Variants in NCAM1 observed in about 807,000 individuals in gnomAD.
The protein encoded by NCAM1 is neural cell adhesion molecule 1.
A neutral mutation model predicts 109.8 loss-of-function variants in NCAM1; 14 were observed. That is an observed-to-expected ratio of 0.13 (90% confidence interval 0.08 to 0.20). NCAM1 has a LOEUF of 0.20. NCAM1 is among the 10% of genes least tolerant of loss of function. NCAM1 has a pLI of 1.00. For synonymous variants in NCAM1, 418 were observed against 442.9 expected, an observed-to-expected ratio of 0.94 and a Z score of 0.70; for missense variants, 774 against 1,109.9, an observed-to-expected ratio of 0.70 and a Z score of 4.30.
intron 1 of NCAM1, among the ~76,000 whole-genome samples, chr11:113,079,664 A>G (rs1938697583): frequency 6.6e-6 from 1 of 152,216 alleles, no homozygotes; most frequent in Admixed American, 6.5e-5. Context: ...TAATAAATCC[A>G]TTATAGTTTT....
chr11:113,252,585 C>T (rs1945714434), intron 15 of NCAM1, among the ~76,000 whole-genome samples: 1 of 152,140 alleles, frequency 6.6e-6, no homozygotes, highest in Non-Finnish European at 1.5e-5. Flanking sequence ...ACTCAGTACA[C>T]ATCTGTTGAA....
chr11:113,193,131 G>C (rs1323210977), intron 1 of NCAM1, among the ~76,000 whole-genome samples: 1 of 151,972 alleles, frequency 6.6e-6, no homozygotes, highest in African/African-American at 2.4e-5. Flanking sequence ...GATTTTTTTT[G>C]CTGCTTTGGT....
intron 1 of NCAM1, among the ~76,000 whole-genome samples, chr11:113,027,288 A>C (rs879975925): frequency 6.6e-6 from 1 of 152,242 alleles, no homozygotes; most frequent in Non-Finnish European, 1.5e-5. Flanking sequence ...AAATATGTTG[A>C]TGTAGCATGT....
intron 1 of NCAM1, among the ~76,000 whole-genome samples, chr11:112,998,693 A>G (rs1555071871): frequency 6.6e-6 from 1 of 152,068 alleles, no homozygotes; most frequent in South Asian, 2.1e-4. Context: ...TTCAGTTACC[A>G]CTTTTTAGTC....
intron 8 of NCAM1, among the ~76,000 whole-genome samples, chr11:113,215,886 G>T (rs1399935403): frequency 6.6e-6 from 1 of 152,152 alleles, no homozygotes; most frequent in African/African-American, 2.4e-5. Context: ...ACATTTCAGG[G>T]CTTAAACCAC....
At chr11:113,242,837 G>A (rs782413130) in intron 14 of NCAM1, 1 of 1,613,984 alleles carries the variant, frequency 6.2e-7, no homozygotes, top group South Asian at 1.1e-5. Context: ...TGCAACCACA[G>A]AACCAGCTAG....
chr11:113,158,377 T>C (rs539165363), intron 1 of NCAM1, among the ~76,000 whole-genome samples: 13 of 152,358 alleles, frequency 8.5e-5, no homozygotes, highest in African/African-American at 2.6e-4. Flanking sequence ...TGTGAATCCA[T>C]GAAAAACGTG....
Position 113,277,713 on chromosome 11 carries a change from G to GATC in NCAM1, c.*2328_*2330dup. 1 of 317,130 alleles carries GATC rather than the reference G, an allele frequency of 3.2e-6. No homozygotes were observed. Among genetic ancestry groups the GATC allele is most frequent in the Non-Finnish European group, 5.7e-6 (1 of 174,778 alleles). The allele number at this position is 317,130 out of a possible 1,614,324, so 19.6% of individuals were successfully genotyped here. On this transcript the variant is annotated 3_prime_UTR_variant, in exon 20 of 20. Transcript: ENST00000316851. ...TTAGGAAGAAACAGGTCAGCCCTCA[G>GATC]ATCACCTGGCCCGGGACAGCTGACC...
intron 1 of NCAM1, among the ~76,000 whole-genome samples, chr11:113,165,576 G>A (rs1942762176): frequency 6.6e-6 from 1 of 152,214 alleles, no homozygotes; most frequent in African/African-American, 2.4e-5. Flanking sequence ...GATCTATATA[G>A]CCTTTGCTTC....
intron 16 of NCAM1, 73 bp from the exon 17 acceptor site, chr11:113,260,073 T>C: frequency 7.1e-7 from 1 of 1,401,940 alleles, no homozygotes; most frequent in Non-Finnish European, 9.6e-7. Flanking sequence ...TTGCCTATTG[T>C]CTGGTCTTAC....
intron 1 of NCAM1, among the ~76,000 whole-genome samples, chr11:113,173,539 A>G (rs1388034093): frequency 1.2e-4 from 18 of 148,926 alleles, no homozygotes; most frequent in African/African-American, 3.7e-4. Flanking sequence ...CAGGCTTGTG[A>G]GCACTTCATT....
At chr11:113,196,705 G>C (rs1286005592) in intron 1 of NCAM1, among the ~76,000 whole-genome samples, 1 of 152,196 alleles carries the variant, frequency 6.6e-6, no homozygotes, top group Non-Finnish European at 1.5e-5. Flanking sequence ...GCAGAGCTGA[G>C]ATTCAAACTC....
chr11:113,218,091 T>A (rs1555114644), intron 8 of NCAM1, among the ~76,000 whole-genome samples: 1 of 152,222 alleles, frequency 6.6e-6, no homozygotes, highest in Admixed American at 6.5e-5. Flanking sequence ...GAGTAGTCAG[T>A]GGAGATCCCA....
intron 1 of NCAM1, among the ~76,000 whole-genome samples, chr11:113,043,167 C>G (rs1186944558): frequency 6.6e-6 from 1 of 151,408 alleles, no homozygotes; most frequent in African/African-American, 2.4e-5. Flanking sequence ...GGGGACAGAT[C>G]AGGGAGGGGG....
intron 14 of NCAM1, among the ~76,000 whole-genome samples, chr11:113,236,069 G>A (rs1371618013): frequency 6.6e-6 from 1 of 152,316 alleles, no homozygotes; most frequent in African/African-American, 2.4e-5. Context: ...GAAGCCAGGG[G>A]CCTGCAAAGG....
chr11:113,143,384 C>T lies in NCAM1; in HGVS notation c.53-58995C>T, dbSNP rs548089515. Among the ~76,000 whole-genome samples the T allele has an allele frequency of 1.3e-4, 20 of 152,128 alleles. No homozygotes were observed. The East Asian group carries it at 2.1e-3, about 16-fold the overall frequency. On this transcript the variant is annotated intron_variant, in intron 1 of 19. Coordinates refer to ENST00000316851, the MANE Select transcript of NCAM1 (RefSeq NM_181351.5). ...AATAGACTATTGATCTAGATTATTC[C>T]GGTGGTTTTTTACTTGGTAGTAAAT...
chr11:113,264,545 C>T (rs1367338444), intron 17 of NCAM1: 1 of 985,408 alleles, frequency 1.0e-6, no homozygotes, highest in African/African-American at 1.7e-5. Context: ...ATAAGGATCC[C>T]AGGTCAGTGT....
chr11:113,088,812 C>T (rs1939207018), intron 1 of NCAM1, among the ~76,000 whole-genome samples: 1 of 152,134 alleles, frequency 6.6e-6, no homozygotes, highest in South Asian at 2.1e-4. Flanking sequence ...TTCCTAATAA[C>T]ACCATTTTTC....
At chr11:113,056,361 A>G (rs1313153417) in intron 1 of NCAM1, among the ~76,000 whole-genome samples, 3 of 152,066 alleles carry the variant, frequency 2.0e-5, no homozygotes, top group Admixed American at 1.3e-4. Flanking sequence ...GGTTAACAAT[A>G]TGTATTTCAA....
Sources: gnomAD v4.1 joint callset for allele counts (sites outside exome capture counted in the v4.1 genomes callset) on GRCh38, gnomAD v4.1.1 for gene constraint, MANE v1.5 for transcripts, NCBI Gene and HGNC (gene_info 2026-07-23, HGNC 2026-07-21) for gene names.